The following IQCM variants were observed in gnomAD, a reference collection of about 807,000 sequenced individuals.
IQCM encodes the protein IQ domain-containing protein M.
A neutral mutation model predicts 57.6 loss-of-function variants in IQCM; 45 were observed. The ratio of observed to expected loss-of-function variants is 0.78; its 90% CI spans 0.62 to 1.00. IQCM has a LOEUF of 1.00. IQCM is among the 50% of genes least tolerant of loss of function. IQCM has a pLI of 0.00. For missense variants in IQCM, 468 were observed against 511.6 expected (o/e 0.91, Z 0.82); for synonymous variants, 148 against 158.9 (o/e 0.93, Z 0.51).
At chr4:149,729,438 C>A (rs1766253143) in intron 5 of IQCM, among the ~76,000 whole-genome samples, 1 of 151,488 alleles carries the variant, frequency 6.6e-6, no homozygotes, top group African/African-American at 2.4e-5. Flanking sequence ...TGACAATAAC[C>A]ACACTCAAAG....
chr4:149,545,386 A>G lies in IQCM; in HGVS notation c.1228+3069T>C, dbSNP rs570902601. On this transcript the variant is annotated intron_variant, in intron 12 of 13. Transcript: ENST00000636793. ...AAAAATCCCAAAATAACTCAATTCAAAAATGGCCAACAAACCTCAATAAAC... is the reference window on the plus strand; with the variant it reads ...AAAAATCCCAAAATAACTCAATTCAGAAATGGCCAACAAACCTCAATAAAC... Among the ~76,000 whole-genome samples, 73 of 152,320 alleles carry G rather than the reference A, an allele frequency of 4.8e-4. 3 individuals carry two copies. In the South Asian group the frequency reaches 0.015, roughly 31 times the overall value.
rs543921157 is a variant in IQCM at position 149,566,855 on chromosome 4, G to A, written c.750-2965C>T. 2.1e-3 allele frequency among the ~76,000 whole-genome samples: 314 copies of A among 152,220 alleles called. 1 individual carries two copies. The highest frequency in any genetic ancestry group is 6.9e-3 in the African/African-American group (286 of 41,546). ...TAGAAGTCTTGATGGAAAACAAATT[G>A]TATTTACAAATAATGAGTTTGAAAA... On this transcript the variant is annotated intron_variant, in intron 9 of 13. Coordinates refer to ENST00000636793, the MANE Select transcript of IQCM (RefSeq NM_001363507.2).
intron 7 of IQCM, among the ~76,000 whole-genome samples, chr4:149,670,955 G>C (rs868650352): frequency 1.9e-5 from 2 of 106,104 alleles, no homozygotes; most frequent in Non-Finnish European, 4.4e-5. Flanking sequence ...TTTTTTTTTT[G>C]TTGTGTCTCT....
At chr4:149,649,220 T>C (rs923250478) in intron 7 of IQCM, among the ~76,000 whole-genome samples, 1 of 152,032 alleles carries the variant, frequency 6.6e-6, no homozygotes, top group African/African-American at 2.4e-5. Context: ...GGAGGGGTCC[T>C]TTCCTTAACA....
intron 12 of IQCM, among the ~76,000 whole-genome samples, chr4:149,459,198 A>AT (rs1176328467): frequency 1.3e-5 from 2 of 152,346 alleles, no homozygotes; most frequent in Admixed American, 6.5e-5. Context: ...TTTAAATGAG[A>AT]TAAAAACAAA....
At chr4:149,401,155 G>A (rs963956717) in intron 13 of IQCM, among the ~76,000 whole-genome samples, 1 of 151,648 alleles carries the variant, frequency 6.6e-6, no homozygotes, top group Non-Finnish European at 1.5e-5. Context: ...GGGATACGAT[G>A]ATGTAAGTCC....
rs1774992568 is a variant in IQCM, at chr4:149,815,625, T to C, written c.-112A>G. On this transcript the variant is annotated 5_prime_UTR_variant, in exon 1 of 14. Transcript: ENST00000636793. ...CTTTCTGCCTTAGTTCCAACAAAAC[T>C]TCTAGAAACAAATTCACTGCCCCAA... The C allele has an allele frequency of 6.6e-6, 1 of 151,966 alleles. No homozygotes were observed. Among genetic ancestry groups the C allele is most frequent in the South Asian group, 2.1e-4 (1 of 4,830 alleles). The allele number at this position is 151,966 out of a possible 1,614,324, so 9.4% of individuals were successfully genotyped here.
intron 12 of IQCM, among the ~76,000 whole-genome samples, chr4:149,498,929 G>T (rs1742950892): frequency 6.6e-6 from 1 of 152,160 alleles, no homozygotes; most frequent in Non-Finnish European, 1.5e-5. Flanking sequence ...TTAGATATTT[G>T]TCTGAGAAAT....
intron 2 of IQCM, among the ~76,000 whole-genome samples, chr4:149,785,196 C>CCAGAA (rs1771965787): frequency 6.6e-6 from 1 of 152,084 alleles, no homozygotes; most frequent in Non-Finnish European, 1.5e-5. Flanking sequence ...ATAGCAACTG[C>CCAGAA]CAGAAGACAA....
intron 12 of IQCM, among the ~76,000 whole-genome samples, chr4:149,536,611 A>C (rs1398556264): frequency 6.6e-6 from 1 of 151,984 alleles, no homozygotes; most frequent in Non-Finnish European, 1.5e-5. Flanking sequence ...ATGTAGTTAT[A>C]TGTTTGTATG....
intron 13 of IQCM, chr4:149,429,931 A>G: frequency 2.7e-6 from 3 of 1,102,290 alleles, no homozygotes; most frequent in Admixed American, 8.5e-5. Flanking sequence ...CCACTTGCAT[A>G]TTTCCTTTTA....
chr4:149,472,750 C>A (rs185639369), intron 12 of IQCM, among the ~76,000 whole-genome samples: 1 of 152,240 alleles, frequency 6.6e-6, no homozygotes, highest in Admixed American at 6.5e-5. Context: ...ACCAAAACAG[C>A]ATGGTACTGG....
At chr4:149,719,092 C>T (rs1322794749) in intron 5 of IQCM, among the ~76,000 whole-genome samples, 1 of 152,084 alleles carries the variant, frequency 6.6e-6, no homozygotes, top group Non-Finnish European at 1.5e-5. Context: ...TGCCTGTAAT[C>T]CCAGCACTTT....
intron 7 of IQCM, among the ~76,000 whole-genome samples, chr4:149,671,752 G>A (rs1761307807): frequency 6.6e-6 from 1 of 152,110 alleles, no homozygotes; most frequent in Non-Finnish European, 1.5e-5. Flanking sequence ...AGTCATTCAG[G>A]AGCAGGTTGT....
chr4:149,387,046 A>G (rs1370942773), intron 13 of IQCM, among the ~76,000 whole-genome samples: 1 of 152,038 alleles, frequency 6.6e-6, no homozygotes, highest in Non-Finnish European at 1.5e-5. Flanking sequence ...GTCTTAGTCC[A>G]TTCAGGCTGC....
intron 7 of IQCM, among the ~76,000 whole-genome samples, chr4:149,633,015 G>A (rs1446030355): frequency 2.7e-5 from 4 of 149,966 alleles, no homozygotes. Flanking sequence ...CAAAAAATTA[G>A]CCGGGCGCGG....
At chr4:149,798,606 T>C (rs994784693) in intron 2 of IQCM, among the ~76,000 whole-genome samples, 1 of 152,022 alleles carries the variant, frequency 6.6e-6, no homozygotes, top group South Asian at 2.1e-4. Flanking sequence ...AGAAACACAC[T>C]TCACCTGTAA....
At chr4:149,388,455 G>A (rs1731579863) in intron 13 of IQCM, among the ~76,000 whole-genome samples, 1 of 146,838 alleles carries the variant, frequency 6.8e-6, no homozygotes, top group Admixed American at 6.9e-5. Context: ...AAGATACTGA[G>A]TGTCTTTTCA....
intron 9 of IQCM, 21 bp from the exon 10 acceptor site, chr4:149,563,911 T>A: frequency 2.7e-6 from 3 of 1,106,830 alleles, no homozygotes; most frequent in Non-Finnish European, 3.4e-6. Context: ...AACAAATTTC[T>A]TATTATACAT....
Sources: gnomAD v4.1 joint callset for allele counts (sites outside exome capture counted in the v4.1 genomes callset) on GRCh38, gnomAD v4.1.1 for gene constraint, MANE v1.5 for transcripts, NCBI Gene and HGNC (gene_info 2026-07-23, HGNC 2026-07-21) for gene names.